DRC10: variants seen among roughly 807,000 people sequenced by gnomAD.
DRC10 encodes IQ domain-containing protein D.
chr12:113,197,746 C>T, the DRC10 span: 1 of 655,452 alleles, frequency 1.5e-6, no homozygotes, highest in Admixed American at 2.3e-5. Context: ...TCCCTTTTCT[C>T]CATTTCACAG....
At chr12:113,208,421 G>A in the DRC10 span, 1 of 1,222,080 alleles carries the variant, frequency 8.2e-7, no homozygotes, top group Admixed American at 3.8e-5. Context: ...TTGTGAGGGT[G>A]TTAGGGCCAC....
chr12:113,203,804 T>G, the DRC10 span, among the ~76,000 whole-genome samples: 1 of 136,290 alleles, frequency 7.3e-6, no homozygotes, highest in Non-Finnish European at 1.5e-5. Context: ...TTTTTTTTTG[T>G]AGAGATGGGG....
the DRC10 span, among the ~76,000 whole-genome samples, chr12:113,209,027 GT>G: frequency 6.6e-6 from 1 of 152,178 alleles, no homozygotes; most frequent in Non-Finnish European, 1.5e-5. Flanking sequence ...TGCCTCCTGG[GT>G]TCAAGTGATT....
At chr12:113,218,973 T>C in the DRC10 span, among the ~76,000 whole-genome samples, 1 of 152,234 alleles carries the variant, frequency 6.6e-6, no homozygotes, top group Non-Finnish European at 1.5e-5. Flanking sequence ...ACTTATGTTT[T>C]CACTTGGGAG....
At chr12:113,203,153 G>A in the DRC10 span, 3 of 397,334 alleles carry the variant, frequency 7.6e-6, no homozygotes, top group South Asian at 1.8e-5. Context: ...AGCTTCCTGA[G>A]TAGCTGGGAC....
At chr12:113,219,793 CTTATTTATTTATTTAT>C in the DRC10 span, among the ~76,000 whole-genome samples, 1 of 151,384 alleles carries the variant, frequency 6.6e-6, no homozygotes, top group Non-Finnish European at 1.5e-5. Context: ...CCACCTCAGC[CTTATTTATTTATTTAT>C]TTATTTATTT....
the DRC10 span, among the ~76,000 whole-genome samples, chr12:113,198,487 G>A: frequency 6.6e-6 from 1 of 152,170 alleles, no homozygotes; most frequent in Non-Finnish European, 1.5e-5. Flanking sequence ...GCTACAACAT[G>A]GGTGAACCTT....
the DRC10 span, among the ~76,000 whole-genome samples, chr12:113,203,471 C>T: frequency 8.0e-5 from 12 of 149,910 alleles, no homozygotes; most frequent in African/African-American, 3.0e-4. Flanking sequence ...CTCCCCACCC[C>T]TTCCCTTCCC....
the DRC10 span, among the ~76,000 whole-genome samples, chr12:113,212,710 G>A: frequency 1.3e-5 from 2 of 152,202 alleles, no homozygotes; most frequent in Admixed American, 6.5e-5. Flanking sequence ...GATAAAGCCC[G>A]TGGAACTAGG....
At chr12:113,195,926 G>C in the DRC10 span, 1 of 1,558,260 alleles carries the variant, frequency 6.4e-7, no homozygotes, top group Non-Finnish European at 8.7e-7. Context: ...ACCACACATA[G>C]AGTGCCTCCT....
chr12:113,197,623 T>A, the DRC10 span: 1 of 1,490,084 alleles, frequency 6.7e-7, no homozygotes. Flanking sequence ...CTAGAAAAGA[T>A]CCAATTTGTC....
chr12:113,199,452 G>A, the DRC10 span, among the ~76,000 whole-genome samples: 1 of 151,838 alleles, frequency 6.6e-6, no homozygotes, highest in African/African-American at 2.4e-5. Flanking sequence ...CAGAGCAAGA[G>A]CCCTTAGCTT....
At chr12:113,201,404 T>G in the DRC10 span, among the ~76,000 whole-genome samples, 1 of 152,128 alleles carries the variant, frequency 6.6e-6, no homozygotes, top group Non-Finnish European at 1.5e-5. Context: ...GCCACCACTT[T>G]CTATTTCCTT....
chr12:113,218,253 C>T, the DRC10 span, among the ~76,000 whole-genome samples: 1 of 151,996 alleles, frequency 6.6e-6, no homozygotes, highest in Non-Finnish European at 1.5e-5. Flanking sequence ...TCTCCTGCCT[C>T]AGCCTCCCAA....
At chr12:113,197,707 G>C in the DRC10 span, 1 of 772,964 alleles carries the variant, frequency 1.3e-6, no homozygotes, top group South Asian at 1.5e-5. Context: ...GCAGGTGCTT[G>C]ACATGCCTCG....
At chr12:113,206,535 T>C in the DRC10 span, among the ~76,000 whole-genome samples, 1 of 152,120 alleles carries the variant, frequency 6.6e-6, no homozygotes, top group Admixed American at 6.6e-5. Context: ...AGGTTATAAA[T>C]GACCCCGTCT....
chr12:113,199,428 A>C, the DRC10 span, among the ~76,000 whole-genome samples: 1 of 151,314 alleles, frequency 6.6e-6, no homozygotes, highest in Non-Finnish European at 1.5e-5. Context: ...AAATAAATAA[A>C]CCCCCTAATC....
At chr12:113,214,393 C>T in the DRC10 span, among the ~76,000 whole-genome samples, 1 of 151,118 alleles carries the variant, frequency 6.6e-6, no homozygotes, top group Non-Finnish European at 1.5e-5. Context: ...GTAATCCCAA[C>T]TACTTGGGAG....
the DRC10 span, among the ~76,000 whole-genome samples, chr12:113,220,251 T>A: frequency 6.6e-6 from 1 of 152,048 alleles, no homozygotes; most frequent in African/African-American, 2.4e-5. Flanking sequence ...GTAATAAAAA[T>A]TACCTAATTT....
Sources: gnomAD v4.1 joint callset for allele counts (sites outside exome capture counted in the v4.1 genomes callset) on GRCh38, gnomAD v4.1.1 for gene constraint, MANE v1.5 for transcripts, NCBI Gene and HGNC (gene_info 2026-07-23, HGNC 2026-07-21) for gene names.